ADGRV1: variants seen among roughly 807,000 people sequenced by gnomAD.
ADGRV1 encodes adhesion G protein-coupled receptor V1.
ADGRV1 carries 359 observed loss-of-function variants against 596.2 expected under a neutral mutation model. The ratio of observed to expected loss-of-function variants is 0.60; its 90% confidence interval spans 0.55 to 0.66. The LOEUF (loss-of-function observed/expected upper bound fraction) is 0.66, where lower values mean the gene tolerates loss of function less well. Ranked by LOEUF, ADGRV1 falls within the 30% of genes least tolerant of loss-of-function variation. ADGRV1 has a pLI of 0.00. For missense variants in ADGRV1, 7,274 were observed against 7,575.6 expected (o/e 0.96, Z 1.48); for synonymous variants, 2,681 against 2,679.2 (o/e 1.00, Z -0.02).
rs116624746 is a variant in ADGRV1, at chr5:91,062,520, G to C, written c.18153-9927G>C. ...GGAATATGTCTGTTGCACTCACACA[G>C]AAACCTTATTCCTTCAACAGCTGTT... is the stretch of plus-strand genomic sequence containing the variant. On this transcript the variant is annotated intron_variant, in intron 85 of 89. Transcript: ENST00000405460. Among the ~76,000 whole-genome samples, 1,160 of 152,238 alleles carry C rather than the reference G, an allele frequency of 7.6e-3. 8 individuals carry two copies. Among genetic ancestry groups the C allele is most frequent in the African/African-American group, 0.026 (1,082 of 41,528 alleles).
chr5:91,049,398 T>C (rs1786116886), intron 85 of ADGRV1, among the ~76,000 whole-genome samples: 1 of 152,202 alleles, frequency 6.6e-6, no homozygotes, highest in African/African-American at 2.4e-5. Flanking sequence ...CTAGGCTCAG[T>C]GGACCTTACA....
At chr5:90,895,551 T>C (rs1771232563) in intron 83 of ADGRV1, among the ~76,000 whole-genome samples, 2 of 152,228 alleles carry the variant, frequency 1.3e-5, no homozygotes, top group South Asian at 4.1e-4. Context: ...TCTTAGAAAA[T>C]GGTGTCAAGA....
Position 90,704,380 on chromosome 5 carries a change from A to G in ADGRV1, c.8287-9A>G, listed in dbSNP as rs1265490886. 1 of 1,526,488 alleles carries G rather than the reference A, an allele frequency of 6.6e-7. No individual in the cohort carries two copies. Among genetic ancestry groups the G allele is most frequent in the South Asian group, 1.2e-5 (1 of 80,490 alleles). 94.6% of individuals were successfully genotyped at this position (1,526,488 alleles called of 1,614,324 possible). On this transcript the variant is annotated splice_polypyrimidine_tract_variant and intron_variant, in intron 35 of 89. Transcript: ENST00000405460. The stretch of plus-strand genomic sequence containing the variant: ...GACAGCGGGATTGATTTCTTTCTGT[A>G]TGACATAGGGGTCGTTGAATACAAC...
rs150206967 is a variant in ADGRV1, at chr5:90,979,062, A to G, written c.17974-6282A>G. On this transcript the variant is annotated intron_variant, in intron 84 of 89. Coordinates refer to ENST00000405460, the MANE Select transcript of ADGRV1 (RefSeq NM_032119.4). ...CAGAACAAATTATCTTTTTACTTCT[A>G]CAAGTAAAACATATCTCCACTGGCA... is the stretch of plus-strand genomic sequence containing the variant. Among the ~76,000 whole-genome samples the G allele has an allele frequency of 9.4e-3, 1,426 of 152,284 alleles. 17 individuals carry two copies. Among genetic ancestry groups the G allele is most frequent in the African/African-American group, 0.033 (1,368 of 41,558 alleles).
At chr5:90,922,352 T>C (rs1156620343) in intron 83 of ADGRV1, among the ~76,000 whole-genome samples, 2 of 152,206 alleles carry the variant, frequency 1.3e-5, no homozygotes, top group African/African-American at 4.8e-5. Context: ...GCCTCTGAAA[T>C]TTTTATGGGA....
At chr5:90,670,179 C>T (rs1262225034) in intron 21 of ADGRV1, among the ~76,000 whole-genome samples, 1 of 151,968 alleles carries the variant, frequency 6.6e-6, no homozygotes, top group African/African-American at 2.4e-5. Context: ...TATTTTAAGC[C>T]CTTTGATTCT....
At chr5:91,000,365 G>A (rs6452927) in intron 85 of ADGRV1, among the ~76,000 whole-genome samples, 33,523 of 151,974 alleles carry the variant, frequency 0.22, 4,103 homozygotes, top group Non-Finnish European at 0.28. Context: ...TTAAAAATCT[G>A]CAGTGAATGT....
chr5:90,670,923 C>CT (rs2149531633), intron 21 of ADGRV1, among the ~76,000 whole-genome samples: 1 of 152,270 alleles, frequency 6.6e-6, no homozygotes, highest in Non-Finnish European at 1.5e-5. Flanking sequence ...AGAATGCCAG[C>CT]TTTAACCACA....
At chr5:90,730,530 T>A (rs1375368233) in intron 50 of ADGRV1, among the ~76,000 whole-genome samples, 1 of 152,216 alleles carries the variant, frequency 6.6e-6, no homozygotes. Flanking sequence ...CAGTCTGAAA[T>A]CCTTTCTTGG....
intron 85 of ADGRV1, among the ~76,000 whole-genome samples, chr5:91,043,777 A>G (rs1440203134): frequency 2.6e-5 from 4 of 151,854 alleles, no homozygotes; most frequent in African/African-American, 9.7e-5. Context: ...TCTTCTATCT[A>G]GGATGTTCTT....
At chr5:91,110,791 G>A (rs1361944484) in intron 87 of ADGRV1, among the ~76,000 whole-genome samples, 3 of 152,188 alleles carry the variant, frequency 2.0e-5, no homozygotes, top group South Asian at 2.1e-4. Flanking sequence ...AACCTGGCAA[G>A]TGAGCAGAGC....
intron 21 of ADGRV1, among the ~76,000 whole-genome samples, chr5:90,665,446 G>C (rs937877867): frequency 1.3e-5 from 2 of 152,058 alleles, no homozygotes; most frequent in African/African-American, 4.8e-5. Context: ...ATTTCTGTGG[G>C]ATCAGTGGTG....
At chr5:91,163,448 C>A (rs1562300641) in intron 89 of ADGRV1, among the ~76,000 whole-genome samples, 1 of 152,116 alleles carries the variant, frequency 6.6e-6, no homozygotes, top group Non-Finnish European at 1.5e-5. Context: ...AGTCTAATAA[C>A]CTGACTGATT....
chr5:90,725,947 AGAGT>A (rs1418783386), intron 48 of ADGRV1, among the ~76,000 whole-genome samples: 10 of 152,230 alleles, frequency 6.6e-5, no homozygotes, highest in Non-Finnish European at 1.5e-4. Flanking sequence ...ACAGCCAGAC[AGAGT>A]ATCACTAAAA....
chr5:90,803,260 T>A (rs1393204068), intron 71 of ADGRV1, among the ~76,000 whole-genome samples: 3 of 152,206 alleles, frequency 2.0e-5, no homozygotes, highest in Admixed American at 6.5e-5. Flanking sequence ...TTGATGTAGA[T>A]AAATGCTGAT....
intron 86 of ADGRV1, among the ~76,000 whole-genome samples, chr5:91,075,066 TCATAGG>T (rs1392182379): frequency 2.6e-5 from 4 of 152,184 alleles, no homozygotes; most frequent in African/African-American, 7.2e-5. Flanking sequence ...TTTAGGTTCC[TCATAGG>T]TTCTGGATAT....
intron 86 of ADGRV1, among the ~76,000 whole-genome samples, chr5:91,096,851 A>G (rs941047716): frequency 1.3e-5 from 2 of 152,132 alleles, no homozygotes; most frequent in African/African-American, 4.8e-5. Flanking sequence ...CAGAAACTCT[A>G]TATCCATTAA....
intron 59 of ADGRV1, among the ~76,000 whole-genome samples, chr5:90,770,758 GA>G (rs939007584): frequency 6.6e-6 from 1 of 152,060 alleles, no homozygotes; most frequent in African/African-American, 2.4e-5. Flanking sequence ...GTAGAAAAAT[GA>G]GTAAAATTCC....
intron 77 of ADGRV1, among the ~76,000 whole-genome samples, chr5:90,830,747 C>G (rs1396734217): frequency 2.0e-5 from 3 of 152,118 alleles, no homozygotes; most frequent in African/African-American, 7.2e-5. Context: ...GTCAACTTGA[C>G]TGGACCACAG....
Sources: allele counts gnomAD v4.1 joint callset (sites outside exome capture counted in the v4.1 genomes callset), GRCh38; gene constraint gnomAD v4.1.1; transcripts MANE v1.5; gene names NCBI Gene and HGNC (gene_info 2026-07-23, HGNC 2026-07-21).